Variants in ITGBL1 observed in about 807,000 individuals in gnomAD.
The protein encoded by ITGBL1 is integrin subunit beta like 1, also known as integrin beta-like protein 1.
ITGBL1 carries 51 observed loss-of-function variants against 68.5 expected under a neutral mutation model. The ratio of observed to expected loss-of-function variants is 0.74; its 90% CI spans 0.59 to 0.94. The LOEUF is 0.94. ITGBL1 is among the 40% of genes least tolerant of loss of function. The pLI, the probability that ITGBL1 is intolerant of heterozygous loss-of-function variation, is 0.00. For missense variants in ITGBL1, 649 were observed against 647.4 expected, an observed-to-expected ratio of 1.00 and a Z score of -0.03; for synonymous variants, 209 against 227.3, an observed-to-expected ratio of 0.92 and a Z score of 0.72.
intron 2 of ITGBL1, among the ~76,000 whole-genome samples, chr13:101,457,170 A>C (rs1329102755): frequency 2.0e-5 from 3 of 152,226 alleles, no homozygotes; most frequent in African/African-American, 7.2e-5. Context: ...TATTATTACA[A>C]TGATGCATAA....
chr13:101,543,080 G>C (rs1398303352), intron 2 of ITGBL1, among the ~76,000 whole-genome samples: 1 of 152,162 alleles, frequency 6.6e-6, no homozygotes, highest in East Asian at 1.9e-4. Flanking sequence ...ATTGTTATGT[G>C]TGAATTTGAT....
intron 2 of ITGBL1, 36 bp downstream of exon 2, chr13:101,454,136 C>A: frequency 6.9e-7 from 1 of 1,444,476 alleles, no homozygotes; most frequent in Non-Finnish European, 9.3e-7. Context: ...CTCGGGAGGT[C>A]GAAACTCCTC....
At chr13:101,655,920 T>C (rs2032906735) in intron 7 of ITGBL1, among the ~76,000 whole-genome samples, 1 of 152,194 alleles carries the variant, frequency 6.6e-6, no homozygotes, top group South Asian at 2.1e-4. Flanking sequence ...TGACACAGCC[T>C]CAGGAGACCC....
At chr13:101,534,220 G>A (rs2049531517) in intron 2 of ITGBL1, among the ~76,000 whole-genome samples, 1 of 152,150 alleles carries the variant, frequency 6.6e-6, no homozygotes, top group African/African-American at 2.4e-5. Flanking sequence ...AACCATTAAT[G>A]GGTGGGGAGG....
At chr13:101,679,473 T>C (rs2033588826) in intron 7 of ITGBL1, among the ~76,000 whole-genome samples, 2 of 152,162 alleles carry the variant, frequency 1.3e-5, no homozygotes, top group African/African-American at 2.4e-5. Flanking sequence ...TGATGACCAA[T>C]CAATGGGTTT....
At chr13:101,535,091 C>T (rs2049549756) in intron 2 of ITGBL1, among the ~76,000 whole-genome samples, 1 of 152,070 alleles carries the variant, frequency 6.6e-6, no homozygotes, top group Admixed American at 6.6e-5. Context: ...ATTGGCTTTC[C>T]ATAATTGACC....
In ITGBL1 at chr13:101,614,256, G is replaced by C. The variant is rs141536457; in HGVS notation, c.1015+15957G>C. 4.3e-3 allele frequency among the ~76,000 whole-genome samples: 650 copies of C among 152,130 alleles called. 3 individuals are homozygous for C. Among genetic ancestry groups the C allele is most frequent in the African/African-American group, 0.015 (610 of 41,496 alleles). On this transcript the variant is annotated intron_variant, in intron 7 of 10. Transcript: ENST00000376180. ...TGTCAGAAATGCATTTTGGGTTTTC[G>C]CCATAGATAATTTCTGCTTTGAAAA...
Position 101,500,212 on chromosome 13 carries a change from A to C in ITGBL1, c.316+46112A>C, listed in dbSNP as rs375640480. ...CCAACAAGCCAGAAAAAAAAAGTCC[A>C]ATAAAATATATTATGCAGTATCTCT... On this transcript the variant is annotated intron_variant, in intron 2 of 10. Coordinates refer to ENST00000376180, the MANE Select transcript of ITGBL1 (RefSeq NM_004791.3). 3.3e-5 allele frequency among the ~76,000 whole-genome samples: 5 copies of C among 152,346 alleles called. No homozygotes were observed. In the East Asian group the frequency reaches 9.7e-4, roughly 29 times the overall value.
intron 7 of ITGBL1, among the ~76,000 whole-genome samples, chr13:101,659,418 T>C (rs1253851625): frequency 6.6e-6 from 1 of 152,202 alleles, no homozygotes; most frequent in Non-Finnish European, 1.5e-5. Flanking sequence ...CCAGTAGCCT[T>C]TCTCAAGACT....
At chr13:101,582,434 T>C (rs116775653) in intron 5 of ITGBL1, among the ~76,000 whole-genome samples, 53 of 152,278 alleles carry the variant, frequency 3.5e-4, no homozygotes, top group African/African-American at 1.1e-3. Context: ...TTTATGTCTC[T>C]ATCAAATGAT....
intron 7 of ITGBL1, among the ~76,000 whole-genome samples, chr13:101,684,908 A>G (rs1182131015): frequency 1.3e-5 from 2 of 151,924 alleles, no homozygotes; most frequent in Non-Finnish European, 2.9e-5. Flanking sequence ...TTTATTTACT[A>G]TAGTTAGAGG....
chr13:101,718,857 A>G (rs1375770804), downstream of ITGBL1: 1 of 151,982 alleles, frequency 6.6e-6, no homozygotes, highest in Non-Finnish European at 1.5e-5. Flanking sequence ...ACCCTACTCC[A>G]TATTCAAGAG....
chr13:101,657,046 G>A lies in ITGBL1; in HGVS notation c.1016-35539G>A, dbSNP rs372775458. Among the ~76,000 whole-genome samples the A allele has an allele frequency of 1.3e-4, 20 of 151,474 alleles. 1 individual carries two copies. In the South Asian group the frequency reaches 1.7e-3, roughly 13 times the overall value. ...ATGTATACATGTGCCATGCTGGTGC[G>A]CTGCACCCACTAACTCGTCAGTATT... On this transcript the variant is annotated intron_variant, in intron 7 of 10. Transcript: ENST00000376180.
At chr13:101,454,132 A>G in intron 2 of ITGBL1, 32 bp downstream of exon 2, 1 of 1,463,518 alleles carries the variant, frequency 6.8e-7, no homozygotes, top group Non-Finnish European at 9.2e-7. Flanking sequence ...CTCCCTCGGG[A>G]GGTCGAAACT....
intron 7 of ITGBL1, among the ~76,000 whole-genome samples, chr13:101,645,054 CA>C (rs1384130411): frequency 6.6e-6 from 1 of 152,140 alleles, no homozygotes; most frequent in African/African-American, 2.4e-5. Flanking sequence ...CCCTCCCAAT[CA>C]AATGGCAGTT....
intron 9 of ITGBL1, chr13:101,712,045 C>A (rs1455883047): frequency 6.6e-6 from 1 of 152,162 alleles, no homozygotes; most frequent in South Asian, 2.1e-4. Flanking sequence ...AAGAGAGGCA[C>A]AATTTGACCC....
At chr13:101,517,540 C>T (rs568791909) in intron 2 of ITGBL1, among the ~76,000 whole-genome samples, 1 of 152,156 alleles carries the variant, frequency 6.6e-6, no homozygotes, top group Non-Finnish European at 1.5e-5. Flanking sequence ...TGTGACTACA[C>T]TATGGGTTGA....
At chr13:101,644,512 A>G (rs566769265) in intron 7 of ITGBL1, among the ~76,000 whole-genome samples, 5 of 152,270 alleles carry the variant, frequency 3.3e-5, no homozygotes, top group African/African-American at 1.2e-4. Context: ...ACTACTCTAT[A>G]CTCACAGTGA....
chr13:101,601,704 A>G (rs1319386577), intron 7 of ITGBL1, among the ~76,000 whole-genome samples: 2 of 152,316 alleles, frequency 1.3e-5, no homozygotes, highest in East Asian at 3.9e-4. Context: ...CCCAGTATTC[A>G]TTCAGGAGCA....
Sources: gnomAD v4.1 joint callset for allele counts (sites outside exome capture counted in the v4.1 genomes callset) on GRCh38, gnomAD v4.1.1 for gene constraint, MANE v1.5 for transcripts, NCBI Gene and HGNC (gene_info 2026-07-23, HGNC 2026-07-21) for gene names.